HCFC1: variants seen among roughly 807,000 people sequenced by gnomAD.
HCFC1 encodes host cell factor C1.
HCFC1 carries 7 observed loss-of-function variants against 105.5 expected under a neutral mutation model. The ratio of observed to expected loss-of-function variants is 0.07; its 90% CI spans 0.04 to 0.12. HCFC1 has a LOEUF of 0.12. Ranked by LOEUF, HCFC1 falls within the 10% of genes least tolerant of loss-of-function variation. The probability of loss-of-function intolerance (pLI) is 1.00; values close to 1 mark genes in which losing one functional copy is unlikely to be tolerated. For missense variants in HCFC1, 1,065 were observed against 1,823.6 expected, an observed-to-expected ratio of 0.58 and a Z score of 7.58; for synonymous variants, 918 against 828.1, an observed-to-expected ratio of 1.11 and a Z score of -1.86.
In HCFC1 at chrX:153,960,018, T is replaced by A; in HGVS notation, c.1228A>T (p.Thr410Ser). The change falls in exon 8 of 26, where the codon ACC (threonine) becomes TCC (serine). Residue 410 changes from threonine to serine, a missense_variant. By Grantham distance (58) the Thr-to-Ser change is moderately conservative (BLOSUM62 1). Around this residue, in one of 17 missense-constraint regions of HCFC1, gnomAD observed 101 missense variants for 155.1 expected, o/e 0.65. Coordinates refer to ENST00000310441, the MANE Select transcript of HCFC1 (RefSeq NM_005334.3). ...YDIPATAATATSPTPNPVPSV... is the reference protein window; with the variant it reads ...YDIPATAATASSPTPNPVPSV... ...GGGACCGGATTGGGTGTAGGGGAGGTGGCAGTAGCAGCCGTGGCAGGAATG... is the reference window on the plus strand; with the variant it reads ...GGGACCGGATTGGGTGTAGGGGAGGAGGCAGTAGCAGCCGTGGCAGGAATG... 8.3e-7 allele frequency: 1 copy of A among 1,206,662 alleles called. No individual in the cohort carries two copies. Among genetic ancestry groups the A allele is most frequent in the Non-Finnish European group, 1.1e-6 (1 of 893,541 alleles).
intron 1 of HCFC1, among the ~76,000 whole-genome samples, chrX:153,968,060 G>T (rs781826377): frequency 8.1e-5 from 9 of 111,442 alleles, no homozygotes; most frequent in Admixed American, 2.9e-4. Context: ...CTCATCTGCA[G>T]AAACAAGGAA....
At chrX:153,952,222 C>T (rs2065320312) in intron 19 of HCFC1, 64 bp from the exon 20 acceptor site, 6 of 1,080,395 alleles carry the variant, frequency 5.6e-6, no homozygotes, top group African/African-American at 1.9e-5. Flanking sequence ...GCAGCCCGGG[C>T]GGAGGCCCCC....
chrX:153,970,576 G>A, intron 1 of HCFC1, 72 bp downstream of exon 1: 2 of 725,903 alleles, frequency 2.8e-6, no homozygotes. Context: ...TGGAGGGAGG[G>A]AGGAAAGAGG....
intron 12 of HCFC1, 95 bp downstream of exon 12, chrX:153,957,687 C>A: frequency 1.3e-6 from 1 of 781,520 alleles, no homozygotes. Flanking sequence ...GCCATGTGTG[C>A]TCATGGGATC....
chrX:153,961,831 G>A (rs1557117001), intron 5 of HCFC1, among the ~76,000 whole-genome samples, 183 bp from the exon 6 acceptor site: 1 of 111,998 alleles, frequency 8.9e-6, no homozygotes, highest in African/African-American at 3.3e-5. Flanking sequence ...GGAGAACTGT[G>A]TCACCTCTAC....
chrX:153,957,917 T>C (rs2065393622), intron 11 of HCFC1, 31 bp from the exon 12 acceptor site: 2 of 1,165,175 alleles, frequency 1.7e-6, no homozygotes, highest in Admixed American at 2.2e-5. Flanking sequence ...CAAGGAGTGA[T>C]CTGGAAACCA....
Position 153,949,146 on chromosome X carries a change from G to A in HCFC1, c.*201C>T. 2.5e-6 allele frequency: 1 copy of A among 396,358 alleles called. No homozygotes were observed. Among genetic ancestry groups the A allele is most frequent in the Non-Finnish European group, 4.5e-6 (1 of 224,407 alleles). 32.7% of individuals were successfully genotyped at this position (396,358 alleles called of 1,213,427 possible). ...TCTCTCTGCTTTCCCATCTGCCTCT[G>A]CTTCCTCCCAACAGCAATGGTAAAA... On this transcript the variant is annotated 3_prime_UTR_variant, in exon 26 of 26. Transcript: ENST00000310441.
At chrX:153,964,374 C>A in intron 2 of HCFC1, 90 bp from the exon 3 acceptor site, 1 of 972,492 alleles carries the variant, frequency 1.0e-6, no homozygotes, top group South Asian at 2.5e-5. Flanking sequence ...AGGAAATGGC[C>A]GGGGGTGAGC....
chrX:153,967,299 C>G (rs1016331503), intron 1 of HCFC1, among the ~76,000 whole-genome samples: 6 of 111,562 alleles, frequency 5.4e-5, no homozygotes, highest in African/African-American at 2.0e-4. Context: ...GGGAAAGGAC[C>G]CTGCACTAGA....
At chrX:153,957,201 G>A (rs782398991) in intron 13 of HCFC1, 113 bp downstream of exon 13, 8 of 968,156 alleles carry the variant, frequency 8.3e-6, no homozygotes, top group South Asian at 4.5e-5. Flanking sequence ...AGGCAGCAAG[G>A]AGAAGATAGA....
rs1362385844 is a variant in HCFC1, at chrX:153,970,868, A to C, written c.-28T>G. 1.6e-5 allele frequency: 18 copies of C among 1,112,101 alleles called. No individual in the cohort carries two copies. Among genetic ancestry groups the C allele is most frequent in the Non-Finnish European group, 2.0e-5 (17 of 841,981 alleles). 91.6% of individuals were successfully genotyped at this position (1,112,101 alleles called of 1,213,427 possible). A position where few individuals can be genotyped will look rare whatever the true frequency, so the allele number is the denominator to read the frequency against. On this transcript the variant is annotated 5_prime_UTR_variant, in exon 1 of 26. Transcript: ENST00000310441. Reference sequence around the variant, plus strand: ...TTCCGGGAAAGGGTGCGGTGGGGAGAAGTCAACAAGCGGGAAGGGAGCCCC... The same window carrying C: ...TTCCGGGAAAGGGTGCGGTGGGGAGCAGTCAACAAGCGGGAAGGGAGCCCC...
Position 153,964,197 on chromosome X carries a change from G to A in HCFC1, c.430C>T (p.Leu144Phe). The A allele has an allele frequency of 8.3e-7, 1 of 1,208,577 alleles. No homozygotes were observed. Among genetic ancestry groups the A allele is most frequent in the Non-Finnish European group, 1.1e-6 (1 of 893,156 alleles). The change falls in exon 3 of 26, where the codon CTT (leucine) becomes TTT (phenylalanine). Residue 144 changes from leucine to phenylalanine, a missense_variant. Leu to Phe is a conservative substitution (Grantham distance 22). Around this residue, in one of 17 missense-constraint regions of HCFC1, gnomAD observed 38 missense variants for 190.1 expected, o/e 0.20. Coordinates refer to ENST00000310441, the MANE Select transcript of HCFC1 (RefSeq NM_005334.3). ...AACAGGTAGCATTTGTTGCCCACAA[G>A]GGAGAAGCTGTGCCCGAGTCGAGGA... ...PCPRLGHSFS[L>F]VGNKCYLFGG...
chrX:153,956,098 G>A (rs2065373681), intron 16 of HCFC1, 93 bp downstream of exon 16: 2 of 851,076 alleles, frequency 2.3e-6, no homozygotes, highest in Admixed American at 2.4e-5. Flanking sequence ...GCAACACCAG[G>A]AAGGAAAGGC....
rs1159143425 is a variant in HCFC1, at chrX:153,970,876, A to G, written c.-36T>C. On this transcript the variant is annotated 5_prime_UTR_variant, in exon 1 of 26. Transcript: ENST00000310441. The stretch of plus-strand genomic sequence containing the variant: ...AAGGGTGCGGTGGGGAGAAGTCAAC[A>G]AGCGGGAAGGGAGCCCCTCAATTCC... The G allele has an allele frequency of 1.8e-6, 2 of 1,086,943 alleles. No homozygotes were observed. The highest frequency in any genetic ancestry group is 2.4e-6 in the Non-Finnish European group (2 of 821,112). The allele number at this position is 1,086,943 out of a possible 1,213,427, so 89.6% of individuals were successfully genotyped here.
intron 23 of HCFC1, 73 bp downstream of exon 23, chrX:153,950,740 C>T (rs986383327): frequency 3.4e-5 from 36 of 1,060,006 alleles, no homozygotes; most frequent in Non-Finnish European, 3.9e-5. Context: ...CTATGCCCCC[C>T]CCCGGCCACC....
At chrX:153,961,381 ACATTGCTT>A (rs781907344) in intron 6 of HCFC1, among the ~76,000 whole-genome samples, 153 bp downstream of exon 6, 18 of 112,089 alleles carry the variant, frequency 1.6e-4, no homozygotes, top group African/African-American at 4.5e-4. Context: ...CAGAGGCGGA[ACATTGCTT>A]CAGAGAGCTC....
chrX:153,960,167 G>A lies in HCFC1; in HGVS notation c.1085-6C>T, dbSNP rs2065415731. 8.3e-7 allele frequency: 1 copy of A among 1,205,821 alleles called. No homozygotes were observed. Among genetic ancestry groups the A allele is most frequent in the Non-Finnish European group, 1.1e-6 (1 of 891,554 alleles). The stretch of plus-strand genomic sequence containing the variant: ...GGCTGGGGGTGGTGGCTTTTCTGTG[G>A]GAGAACGCAGTTGGTGAGAAGGGGC... On this transcript the variant is annotated splice_region_variant and splice_polypyrimidine_tract_variant and intron_variant, in intron 7 of 25. Coordinates refer to ENST00000310441, the MANE Select transcript of HCFC1 (RefSeq NM_005334.3).
chrX:153,961,189 G>C (rs1557116784), intron 6 of HCFC1, among the ~76,000 whole-genome samples: 2 of 112,450 alleles, frequency 1.8e-5, no homozygotes, highest in African/African-American at 6.5e-5. Context: ...TGTTTTTAAA[G>C]GGACCTATGG....
At position 153,959,406 on chromosome X, in the gene HCFC1, C is replaced by T. The variant is rs1603296983; in HGVS notation, c.1530G>A (p.Gly510=). ...GGGAGGTCACGGTGACAGGGGCTTT[C>T]CCAGCCTGGCTGGCAGGTCGCATGG... ...LVTMRPASQA[G]KAPVTVTSLP... Residue 510 remains glycine, a synonymous_variant, in exon 9 of 26, where the codon GGG becomes GGA. Coordinates refer to ENST00000310441, the MANE Select transcript of HCFC1 (RefSeq NM_005334.3). 1 of 1,210,819 alleles carries T rather than the reference C, an allele frequency of 8.3e-7. No homozygotes were observed. The highest frequency in any genetic ancestry group is 1.7e-5 in the African/African-American group (1 of 57,595).
Sources: gnomAD v4.1 joint callset for allele counts (sites outside exome capture counted in the v4.1 genomes callset) on GRCh38, gnomAD v4.1.1 for gene constraint, gnomAD v4.1.1 regional missense constraint, MANE v1.5 for transcripts, NCBI Gene and HGNC (gene_info 2026-07-23, HGNC 2026-07-21) for gene names.